MACROD2: variants seen among roughly 807,000 people sequenced by gnomAD.
The protein encoded by MACROD2 is mono-ADP ribosylhydrolase 2.
Under a neutral mutation model 70.4 loss-of-function variants are expected in MACROD2, and 36 were observed. The ratio of observed to expected loss-of-function variants is 0.51; its 90% confidence interval spans 0.39 to 0.68. MACROD2 has a LOEUF of 0.68. Ranked by LOEUF, MACROD2 falls within the 30% of genes least tolerant of loss-of-function variation. The pLI, the probability that MACROD2 is intolerant of heterozygous loss-of-function variation, is 0.00. For missense variants in MACROD2, 496 were observed against 538.4 expected (o/e 0.92, Z 0.78); for synonymous variants, 172 against 178.8 (o/e 0.96, Z 0.30).
At chr20:14,335,622 A>C (rs2122638096) in intron 3 of MACROD2, among the ~76,000 whole-genome samples, 1 of 152,268 alleles carries the variant, frequency 6.6e-6, no homozygotes, top group African/African-American at 2.4e-5. Flanking sequence ...CCCAGTCATA[A>C]TTGATTTTAA....
intron 7 of MACROD2, among the ~76,000 whole-genome samples, chr20:15,445,297 G>A (rs1237885344): frequency 6.6e-6 from 1 of 152,140 alleles, no homozygotes; most frequent in South Asian, 2.1e-4. Context: ...AAGTCTGTTT[G>A]TAACATTATC....
chr20:15,352,093 GGTCCAT>G (rs2078233808), intron 6 of MACROD2, among the ~76,000 whole-genome samples: 1 of 152,150 alleles, frequency 6.6e-6, no homozygotes, highest in Admixed American at 6.6e-5. Context: ...CAGCCATAAT[GGTCCAT>G]GTGCAGCAGA....
chr20:14,390,705 T>G (rs2083517250), intron 3 of MACROD2, among the ~76,000 whole-genome samples: 1 of 152,174 alleles, frequency 6.6e-6, no homozygotes, highest in African/African-American at 2.4e-5. Flanking sequence ...AGATTAAAAC[T>G]GGACCCCTTA....
Position 15,093,868 on chromosome 20 carries a change from G to T in MACROD2, c.419-136072G>T, listed in dbSNP as rs2075809807. 2.0e-5 allele frequency among the ~76,000 whole-genome samples: 3 copies of T among 152,112 alleles called. No homozygotes were observed. The South Asian group carries it at 6.2e-4, about 32-fold the overall frequency. ...TGTTCTAAGTGCTTTACCTTATGAG[G>T]AGAAAAGGAAAAAACTTTTTTACAG... On this transcript the variant is annotated intron_variant, in intron 5 of 17. Transcript: ENST00000684519.
At chr20:14,727,580 T>G (rs1037740185) in intron 5 of MACROD2, among the ~76,000 whole-genome samples, 14 of 152,142 alleles carry the variant, frequency 9.2e-5, no homozygotes, top group African/African-American at 3.4e-4. Context: ...AAGTAGTTAC[T>G]TTATCACTCC....
At chr20:14,706,729 C>T (rs927396621) in intron 5 of MACROD2, among the ~76,000 whole-genome samples, 2 of 151,956 alleles carry the variant, frequency 1.3e-5, no homozygotes, top group African/African-American at 2.4e-5. Flanking sequence ...TATCACTGTC[C>T]CTCCAGCCAT....
At chr20:15,749,030 T>G (rs1340312088) in intron 8 of MACROD2, among the ~76,000 whole-genome samples, 1 of 152,160 alleles carries the variant, frequency 6.6e-6, no homozygotes, top group African/African-American at 2.4e-5. Flanking sequence ...ACAAATTATG[T>G]ATACAAATAC....
intron 8 of MACROD2, among the ~76,000 whole-genome samples, chr20:15,596,617 G>T (rs1250405014): frequency 1.3e-5 from 2 of 152,220 alleles, no homozygotes; most frequent in East Asian, 3.8e-4. Context: ...GACTGGAAAT[G>T]ACTCTCTTAG....
At chr20:15,693,437 T>C (rs1228664981) in intron 8 of MACROD2, among the ~76,000 whole-genome samples, 1 of 152,190 alleles carries the variant, frequency 6.6e-6, no homozygotes, top group Non-Finnish European at 1.5e-5. Flanking sequence ...TCTATAACTA[T>C]TCTTGAGGGC....
intron 3 of MACROD2, among the ~76,000 whole-genome samples, chr20:14,424,577 TGA>T (rs1206270927): frequency 1.3e-5 from 2 of 152,244 alleles, no homozygotes; most frequent in Non-Finnish European, 2.9e-5. Flanking sequence ...CAATTTAGGT[TGA>T]TTGTTAATGA....
intron 15 of MACROD2, among the ~76,000 whole-genome samples, chr20:16,020,676 G>A (rs2066989189): frequency 6.6e-6 from 1 of 150,540 alleles, no homozygotes; most frequent in African/African-American, 2.5e-5. Context: ...TATTATTAAC[G>A]AATTCACTCT....
intron 3 of MACROD2, among the ~76,000 whole-genome samples, chr20:14,355,578 G>T (rs201585240): frequency 1.4e-4 from 14 of 98,980 alleles, no homozygotes; most frequent in Non-Finnish European, 2.6e-4. Context: ...TGGTTTTTTT[G>T]TGATGACATG....
At chr20:14,982,987 C>G (rs1209878065) in intron 5 of MACROD2, among the ~76,000 whole-genome samples, 1 of 152,188 alleles carries the variant, frequency 6.6e-6, no homozygotes, top group African/African-American at 2.4e-5. Flanking sequence ...GGGAGGGAGG[C>G]TGTACCCTGC....
chr20:15,046,082 A>G (rs2123039166), intron 5 of MACROD2, among the ~76,000 whole-genome samples: 1 of 152,120 alleles, frequency 6.6e-6, no homozygotes, highest in South Asian at 2.1e-4. Flanking sequence ...AATAATGTAT[A>G]TATTTAAGCA....
At chr20:14,472,000 A>G (rs1175785749) in intron 3 of MACROD2, among the ~76,000 whole-genome samples, 1 of 152,192 alleles carries the variant, frequency 6.6e-6, no homozygotes, top group Non-Finnish European at 1.5e-5. Context: ...CAAAGGAGAC[A>G]ACTGTTGGTC....
chr20:15,278,291 A>G (rs1243726800), intron 6 of MACROD2, among the ~76,000 whole-genome samples: 1 of 152,214 alleles, frequency 6.6e-6, no homozygotes, highest in East Asian at 1.9e-4. Flanking sequence ...TCATTATGAA[A>G]TAAGACCAAA....
At position 14,515,838 on chromosome 20, in the gene MACROD2, A is replaced by G. The variant is rs145484484; in HGVS notation, c.301+22330A>G. Among the ~76,000 whole-genome samples the G allele has an allele frequency of 6.7e-3, 1,023 of 151,878 alleles. 6 individuals carry two copies. The highest frequency in any genetic ancestry group is 0.01 in the Middle Eastern group (3 of 288). ...GTATTATGTATTTCAAAATTGCTAAAAGAATTGATTTTTAATGTTCCCATC... is the reference window on the plus strand; with the variant it reads ...GTATTATGTATTTCAAAATTGCTAAGAGAATTGATTTTTAATGTTCCCATC... On this transcript the variant is annotated intron_variant, in intron 4 of 17. Coordinates refer to ENST00000684519, the MANE Select transcript of MACROD2 (RefSeq NM_001351661.2).
chr20:14,364,680 A>G (rs1000295732), intron 3 of MACROD2, among the ~76,000 whole-genome samples: 1 of 152,168 alleles, frequency 6.6e-6, no homozygotes, highest in Non-Finnish European at 1.5e-5. Flanking sequence ...GCCAGTCAGG[A>G]TATTTCACAC....
chr20:15,626,857 A>ACC (rs940778686), intron 8 of MACROD2, among the ~76,000 whole-genome samples: 2 of 149,602 alleles, frequency 1.3e-5, no homozygotes, highest in African/African-American at 4.9e-5. Flanking sequence ...TCCATACCCC[A>ACC]CCCCCCCAAA....
Sources: gnomAD v4.1 joint callset for allele counts (sites outside exome capture counted in the v4.1 genomes callset) on GRCh38, gnomAD v4.1.1 for gene constraint, MANE v1.5 for transcripts, NCBI Gene and HGNC (gene_info 2026-07-23, HGNC 2026-07-21) for gene names.